FRZB: variants seen among roughly 807,000 people sequenced by gnomAD.
FRZB encodes the protein secreted frizzled-related protein 3.
A neutral mutation model predicts 32.5 loss-of-function variants in FRZB; 34 were observed. The ratio of observed to expected loss-of-function variants is 1.05; its 90% CI spans 0.80 to 1.39. The LOEUF (loss-of-function observed/expected upper bound fraction) is 1.39. Ranked by LOEUF, FRZB falls within the 40% of genes most tolerant of loss-of-function variation. FRZB has a pLI of 0.00. For missense variants in FRZB, 423 were observed against 424.8 expected (o/e 1.00, Z 0.04); for synonymous variants, 170 against 159.2 (o/e 1.07, Z -0.51).
In FRZB at chr2:182,866,494, G is replaced by T; in HGVS notation, c.59C>A (p.Ala20Asp). 6.5e-7 allele frequency: 1 copy of T among 1,528,312 alleles called. No homozygotes were observed. The highest frequency in any genetic ancestry group is 8.8e-7 in the Non-Finnish European group (1 of 1,137,998). The allele number at this position is 1,528,312 out of a possible 1,614,324, so 94.7% of individuals were successfully genotyped here. A position where few individuals can be genotyped will look rare whatever the true frequency, so the allele number is the denominator to read the frequency against. Residue 20 changes from alanine to aspartate, a missense_variant, in exon 1 of 6, where the codon GCT (alanine) becomes GAT (aspartate). Physicochemically the swap from Ala to Asp is moderately radical, Grantham distance 126. Transcript: ENST00000295113. This position sits in a 1 kb window ranked among gnomAD's most constrained non-coding sequence, Gnocchi z 4.5. ...LLLRAGLLAL[A>D]ALCLLRVPGA... ...GGGCACCCGGAGCAGGCAGAGAGCAGCCAGGGCAAGCAGCCCGGCCCGCAG... is the reference window on the plus strand; with the variant it reads ...GGGCACCCGGAGCAGGCAGAGAGCATCCAGGGCAAGCAGCCCGGCCCGCAG...
intron 2 of FRZB, among the ~76,000 whole-genome samples, chr2:182,858,129 C>G (rs2105762855): frequency 6.6e-6 from 1 of 152,266 alleles, no homozygotes; most frequent in Admixed American, 6.5e-5. Context: ...TACCATATAA[C>G]CCAGTGATCC....
At position 182,834,898 on chromosome 2, in the gene FRZB, T is replaced by C; in HGVS notation, c.929A>G (p.Gln310Arg). The change falls in exon 6 of 6, where the codon CAG (glutamine) becomes CGG (arginine). Residue 310 changes from glutamine (Q) to arginine (R), a missense_variant. By Grantham distance (43) the Gln-to-Arg change is conservative. Transcript: ENST00000295113. ...KSDSSNSDST[Q>R]SQKSGRNSNP... is the part of the protein sequence containing the mutation. Reference sequence around the variant, plus strand: ...CGAGTTCCTGCCAGACTTCTGACTCTGAGTGGAATCACTATTGCTAGAATC... The same window carrying C: ...CGAGTTCCTGCCAGACTTCTGACTCCGAGTGGAATCACTATTGCTAGAATC... 1 of 1,613,570 alleles carries C rather than the reference T, an allele frequency of 6.2e-7. No homozygotes were observed. The highest frequency in any genetic ancestry group is 8.5e-7 in the Non-Finnish European group (1 of 1,179,676).
chr2:182,866,602 G>T lies in FRZB; in HGVS notation c.-50C>A. On this transcript the variant is annotated 5_prime_UTR_variant, in exon 1 of 6. Transcript: ENST00000295113. This position sits in a 1 kb window ranked among gnomAD's most constrained non-coding sequence, Gnocchi z 4.5. ...GCAGCCGCGCAGTGGACGCCAAAAGGCCCGCTCCGCCGTCTCCGCCTCCCC... is the reference window on the plus strand; with the variant it reads ...GCAGCCGCGCAGTGGACGCCAAAAGTCCCGCTCCGCCGTCTCCGCCTCCCC... 1 of 1,286,406 alleles carries T rather than the reference G, an allele frequency of 7.8e-7. No homozygotes were observed. The highest frequency in any genetic ancestry group is 1.0e-6 in the Non-Finnish European group (1 of 972,918). The allele number at this position is 1,286,406 out of a possible 1,614,324, so 79.7% of individuals were successfully genotyped here. A position where few individuals can be genotyped will look rare whatever the true frequency, so the allele number is the denominator to read the frequency against.
At chr2:182,847,898 C>T (rs748504975) in intron 2 of FRZB, among the ~76,000 whole-genome samples, 1 of 151,964 alleles carries the variant, frequency 6.6e-6, no homozygotes, top group Non-Finnish European at 1.5e-5. Context: ...TCTCAAATAA[C>T]TGGAGTTGGG....
At position 182,866,628 on chromosome 2, in the gene FRZB, C is replaced by A; in HGVS notation, c.-76G>T. On this transcript the variant is annotated 5_prime_UTR_variant, in exon 1 of 6. Coordinates refer to ENST00000295113, the MANE Select transcript of FRZB (RefSeq NM_001463.4). The surrounding 1 kb of genome is among the most constrained non-coding windows in gnomAD (Gnocchi z 4.5). ...CCCGCTCCGCCGTCTCCGCCTCCCCCGCTGCAAGTGGACACAAGGATCTGG... is the reference window on the plus strand; with the variant it reads ...CCCGCTCCGCCGTCTCCGCCTCCCCAGCTGCAAGTGGACACAAGGATCTGG... 1.9e-6 allele frequency: 2 copies of A among 1,058,518 alleles called. No individual in the cohort carries two copies. The highest frequency in any genetic ancestry group is 2.7e-5 in the East Asian group (1 of 37,510). 65.6% of individuals were successfully genotyped at this position (1,058,518 alleles called of 1,614,324 possible). A position where few individuals can be genotyped will look rare whatever the true frequency, so the allele number is the denominator to read the frequency against.
At chr2:182,835,060 T>A in intron 5 of FRZB, 95 bp from the exon 6 acceptor site, 1 of 871,492 alleles carries the variant, frequency 1.1e-6, no homozygotes, top group Non-Finnish European at 1.9e-6. Flanking sequence ...CAAGTTCAGA[T>A]CTCTGAAGCA....
intron 2 of FRZB, among the ~76,000 whole-genome samples, chr2:182,848,324 C>A (rs996574232): frequency 3.3e-5 from 5 of 152,100 alleles, no homozygotes; most frequent in African/African-American, 1.2e-4. Flanking sequence ...AAAACAGCAG[C>A]AGGAATGGAT....
At chr2:182,863,875 A>G (rs747025170) in intron 1 of FRZB, among the ~76,000 whole-genome samples, 5 of 151,064 alleles carry the variant, frequency 3.3e-5, no homozygotes, top group Non-Finnish European at 5.9e-5. Context: ...TTCAGGCTAC[A>G]ATCTACACAC....
chr2:182,864,415 T>C (rs1695867907), intron 1 of FRZB, among the ~76,000 whole-genome samples: 1 of 152,236 alleles, frequency 6.6e-6, no homozygotes, highest in African/African-American at 2.4e-5. Flanking sequence ...GAGCGGCAAC[T>C]GCACTGAGCA....
chr2:182,858,166 A>AT (rs1284019980), intron 2 of FRZB, among the ~76,000 whole-genome samples: 1 of 152,214 alleles, frequency 6.6e-6, no homozygotes, highest in Non-Finnish European at 1.5e-5. Context: ...GCCTAGAGAA[A>AT]TAAAAACTTA....
At position 182,866,388 on chromosome 2, in the gene FRZB, G is replaced by A. The variant is rs1284142390; in HGVS notation, c.165C>T (p.Asn55=). ...TGGCCTGAGTGCTGTGGTGCAGGTG[G>A]TTGGGCATCTTAGTCATGTTCCAGG... ...SLPWNMTKMP[N]HLHHSTQANA... is the part of the protein sequence containing the mutation. Residue 55 remains asparagine (N), a synonymous_variant, in exon 1 of 6, where the codon AAC becomes AAT. Transcript: ENST00000295113. The surrounding 1 kb of genome is among the most constrained non-coding windows in gnomAD (Gnocchi z 4.5). 5 of 1,612,802 alleles carry A rather than the reference G, an allele frequency of 3.1e-6. No homozygotes were observed. In the South Asian group the frequency reaches 5.5e-5, roughly 18 times the overall value.
rs1174286448 is a variant in FRZB at position 182,833,357 on chromosome 2, A to G, written c.*1492T>C. ...CTAATAGCACACATGTAAATGGCAGAGAATGAAACTTTCAAGTAATTGGCA... is the reference window on the plus strand; with the variant it reads ...CTAATAGCACACATGTAAATGGCAGGGAATGAAACTTTCAAGTAATTGGCA... On this transcript the variant is annotated 3_prime_UTR_variant, in exon 6 of 6. Coordinates refer to ENST00000295113, the MANE Select transcript of FRZB (RefSeq NM_001463.4). 1 of 152,186 alleles carries G rather than the reference A, an allele frequency of 6.6e-6. No homozygotes were observed. Among genetic ancestry groups the G allele is most frequent in the African/African-American group, 2.4e-5 (1 of 41,460 alleles). 9.4% of individuals were successfully genotyped at this position (152,186 alleles called of 1,614,324 possible). A position where few individuals can be genotyped will look rare whatever the true frequency, so the allele number is the denominator to read the frequency against.
At chr2:182,863,431 A>G (rs1245768778) in intron 1 of FRZB, among the ~76,000 whole-genome samples, 1 of 152,234 alleles carries the variant, frequency 6.6e-6, no homozygotes, top group Non-Finnish European at 1.5e-5. Flanking sequence ...TAGTATTTTG[A>G]AAGCAAAAAG....
chr2:182,838,274 C>A, intron 4 of FRZB, 135 bp downstream of exon 4: 1 of 789,018 alleles, frequency 1.3e-6, no homozygotes, highest in Non-Finnish European at 2.0e-6. Context: ...AGAAACCCAA[C>A]TAAAACTTAT....
At position 182,834,703 on chromosome 2, in the gene FRZB, A is replaced by G; in HGVS notation, c.*146T>C. The G allele has an allele frequency of 1.5e-6, 1 of 668,888 alleles. No individual in the cohort carries two copies. 41.4% of individuals were successfully genotyped at this position (668,888 alleles called of 1,614,324 possible). A position where few individuals can be genotyped will look rare whatever the true frequency, so the allele number is the denominator to read the frequency against. The stretch of plus-strand genomic sequence containing the variant: ...AAGAGAGAAGCAGAAACCAAAAGAG[A>G]AACAGAAGTAATAATCAGTTATCAC... On this transcript the variant is annotated 3_prime_UTR_variant, in exon 6 of 6. Transcript: ENST00000295113.
chr2:182,834,947 G>A lies in FRZB; in HGVS notation c.880C>T (p.Arg294Cys), dbSNP rs767881925. The stretch of plus-strand genomic sequence containing the variant: ...TCACTTTTACTGAGTCCAAGATGAC[G>A]AAGCTTCATATCCCAGCGCTGTGAA... The part of the protein sequence containing the change: ...KKVKRWDMKL[R>C]HLGLSKSDSS... Residue 294 changes from arginine to cysteine, a missense_variant, in exon 6 of 6, where the codon CGT becomes TGT. Physicochemically the swap from Arg to Cys is radical, Grantham distance 180 (BLOSUM62 -3). Transcript: ENST00000295113. The A allele has an allele frequency of 3.4e-5, 55 of 1,612,058 alleles. No individual in the cohort carries two copies. The highest frequency in any genetic ancestry group is 2.5e-4 in the East Asian group (11 of 44,844).
Position 182,834,974 on chromosome 2 carries a change from T to C in FRZB, c.862-9A>G. ...AGCTTCATATCCCAGCGCTGTGAAA[T>C]TTAAAATAGAAAATAGTCACAAGCA... is the stretch of plus-strand genomic sequence containing the variant. On this transcript the variant is annotated splice_polypyrimidine_tract_variant and intron_variant, in intron 5 of 5. Transcript: ENST00000295113. 1 of 1,586,384 alleles carries C rather than the reference T, an allele frequency of 6.3e-7. No homozygotes were observed. Among genetic ancestry groups the C allele is most frequent in the Non-Finnish European group, 8.7e-7 (1 of 1,155,314 alleles).
At chr2:182,836,490 T>C (rs1695526931) in intron 5 of FRZB, among the ~76,000 whole-genome samples, 3 of 152,018 alleles carry the variant, frequency 2.0e-5, no homozygotes, top group African/African-American at 7.2e-5. Context: ...TTTACAATAA[T>C]AACTCTGCAA....
chr2:182,837,034 G>T (rs973069317), intron 5 of FRZB, among the ~76,000 whole-genome samples: 1 of 151,936 alleles, frequency 6.6e-6, no homozygotes, highest in Non-Finnish European at 1.5e-5. Context: ...CTTCAAACTT[G>T]CAGAAGGAAG....
Sources: gnomAD v4.1 joint callset for allele counts (sites outside exome capture counted in the v4.1 genomes callset) on GRCh38, gnomAD v4.1.1 for gene constraint, Gnocchi (gnomAD v3.1) non-coding constraint, MANE v1.5 for transcripts, NCBI Gene and HGNC (gene_info 2026-07-23, HGNC 2026-07-21) for gene names.